RAD54B: variants seen among roughly 807,000 people sequenced by gnomAD.
RAD54B encodes the protein DNA repair and recombination protein RAD54B.
RAD54B carries 78 observed loss-of-function variants against 95.8 expected under a neutral mutation model. That is an observed-to-expected ratio of 0.81 (90% CI 0.68 to 0.98). RAD54B has a LOEUF of 0.98. Among genes scored for constraint, RAD54B ranks in the 50% least tolerant of loss-of-function variants. The pLI is 0.00. For synonymous variants in RAD54B, 328 were observed against 354.9 expected (o/e 0.92, Z 0.85); for missense variants, 957 against 1,056.6 (o/e 0.91, Z 1.31).
chr8:94,377,244 C>T (rs1225761887), intron 14 of RAD54B, among the ~76,000 whole-genome samples: 1 of 152,066 alleles, frequency 6.6e-6, no homozygotes, highest in African/African-American at 2.4e-5. Flanking sequence ...GGGATTAAAA[C>T]CATTTTTCTG....
At chr8:94,407,743 A>C in intron 4 of RAD54B, 23 bp from the exon 5 acceptor site, 1 of 1,591,410 alleles carries the variant, frequency 6.3e-7, no homozygotes, top group East Asian at 2.2e-5. Context: ...AAAGAAAAAA[A>C]TTAATTGACA....
At chr8:94,456,759 AG>A (rs1812789275) in intron 3 of RAD54B, among the ~76,000 whole-genome samples, 1 of 152,210 alleles carries the variant, frequency 6.6e-6, no homozygotes, top group Admixed American at 6.5e-5. Context: ...GATACTAAAC[AG>A]GTCTCTCATC....
chr8:94,390,459 C>T (rs35918414), intron 10 of RAD54B, among the ~76,000 whole-genome samples: 36,930 of 150,676 alleles, frequency 0.25, 5,546 homozygotes, highest in East Asian at 0.43. Flanking sequence ...AAGATCATGC[C>T]ATTGCACTCC....
At chr8:94,423,863 A>C (rs991516600) in intron 3 of RAD54B, among the ~76,000 whole-genome samples, 3 of 152,182 alleles carry the variant, frequency 2.0e-5, no homozygotes, top group Non-Finnish European at 4.4e-5. Context: ...AACTGACAAA[A>C]TCTTTCTGCA....
chr8:94,399,387 A>G, intron 8 of RAD54B, 27 bp downstream of exon 8: 1 of 1,599,434 alleles, frequency 6.3e-7, no homozygotes, highest in Non-Finnish European at 8.6e-7. Flanking sequence ...AAAATTCCAA[A>G]ATATCTTCCC....
chr8:94,466,129 T>G (rs1332814107), intron 2 of RAD54B, among the ~76,000 whole-genome samples: 1 of 152,232 alleles, frequency 6.6e-6, no homozygotes, highest in African/African-American at 2.4e-5. Context: ...TGCCACTTAA[T>G]TGTACACTTA....
chr8:94,417,891 A>C (rs1180198045), intron 3 of RAD54B, among the ~76,000 whole-genome samples: 1 of 152,178 alleles, frequency 6.6e-6, no homozygotes, highest in Non-Finnish European at 1.5e-5. Context: ...GTTTTCTGAG[A>C]AAACAAATGA....
At chr8:94,450,603 T>C (rs1812632372) in intron 3 of RAD54B, among the ~76,000 whole-genome samples, 2 of 152,126 alleles carry the variant, frequency 1.3e-5, no homozygotes, top group African/African-American at 4.8e-5. Flanking sequence ...GGATATAAAA[T>C]CTCAGCCAGG....
intron 11 of RAD54B, among the ~76,000 whole-genome samples, chr8:94,382,793 T>G (rs1285094514): frequency 6.6e-6 from 1 of 152,144 alleles, no homozygotes; most frequent in South Asian, 2.1e-4. Context: ...CAGTTTTCCC[T>G]GCTCTTGCTA....
intron 9 of RAD54B, chr8:94,393,479 G>T (rs946837937): frequency 2.1e-4 from 68 of 320,250 alleles, no homozygotes; most frequent in Admixed American, 5.0e-4. Context: ...AGTCACTTTG[G>T]TTATTTTGTT....
intron 2 of RAD54B, among the ~76,000 whole-genome samples, chr8:94,465,037 T>C (rs1156531258): frequency 6.6e-6 from 1 of 151,982 alleles, no homozygotes; most frequent in African/African-American, 2.4e-5. Context: ...CCCAAATATC[T>C]CCCATTAGGC....
At chr8:94,432,262 C>T in intron 3 of RAD54B, 1 of 1,550,308 alleles carries the variant, frequency 6.5e-7, no homozygotes. Context: ...TTCTCCTGAA[C>T]ATACAATCCA....
At chr8:94,438,033 G>A (rs1452056725) in intron 3 of RAD54B, among the ~76,000 whole-genome samples, 1 of 152,142 alleles carries the variant, frequency 6.6e-6, no homozygotes, top group Non-Finnish European at 1.5e-5. Context: ...TTATTAAGAG[G>A]TAGGAAAAAT....
chr8:94,404,053 T>C (rs1203277733), intron 6 of RAD54B, 24 bp downstream of exon 6: 4 of 1,535,678 alleles, frequency 2.6e-6, no homozygotes, highest in Non-Finnish European at 3.5e-6. Context: ...CAGATTAGAT[T>C]AAACAAATGA....
chr8:94,470,860 G>A (rs1813154172), intron 1 of RAD54B, among the ~76,000 whole-genome samples: 1 of 152,054 alleles, frequency 6.6e-6, no homozygotes, highest in African/African-American at 2.4e-5. Context: ...GATAAATTAT[G>A]GTACACCCAC....
chr8:94,407,781 T>C, intron 4 of RAD54B, 61 bp from the exon 5 acceptor site: 4 of 1,421,020 alleles, frequency 2.8e-6, no homozygotes, highest in Non-Finnish European at 3.8e-6. Context: ...CACCTTCCCG[T>C]AACTGTACAA....
chr8:94,376,496 A>G (rs975900533), intron 14 of RAD54B, among the ~76,000 whole-genome samples: 4 of 151,682 alleles, frequency 2.6e-5, no homozygotes, highest in Admixed American at 1.3e-4. Context: ...GAGTAAATAC[A>G]AGGAAAAAGG....
chr8:94,423,719 CA>C (rs1411828574), intron 3 of RAD54B, among the ~76,000 whole-genome samples: 3 of 152,198 alleles, frequency 2.0e-5, no homozygotes, highest in African/African-American at 7.2e-5. Context: ...TTAGCATTAA[CA>C]AAAGACAGAA....
intron 3 of RAD54B, among the ~76,000 whole-genome samples, chr8:94,421,000 A>G (rs1811794486): frequency 6.6e-6 from 1 of 151,586 alleles, no homozygotes; most frequent in African/African-American, 2.4e-5. Context: ...AAAAAAAAAA[A>G]GAGATGTTTT....
Sources: allele counts gnomAD v4.1 joint callset (sites outside exome capture counted in the v4.1 genomes callset), GRCh38; gene constraint gnomAD v4.1.1; transcripts MANE v1.5; gene names NCBI Gene and HGNC (gene_info 2026-07-23, HGNC 2026-07-21).